The following FRY variants were observed in gnomAD, a reference collection of about 807,000 sequenced individuals.
FRY encodes the protein FRY microtubule binding protein.
In FRY, 128 loss-of-function variants were observed where a neutral mutation model predicts 348.4. That is an observed-to-expected ratio of 0.37 (90% CI 0.32 to 0.43). FRY has a LOEUF of 0.43. FRY is among the 20% of genes least tolerant of loss of function. The probability of loss-of-function intolerance (pLI) is 1.00; values close to 1 mark genes in which losing one functional copy is unlikely to be tolerated. For missense variants in FRY, 2,736 were observed against 3,695.2 expected (o/e 0.74, Z 6.73); for synonymous variants, 1,370 against 1,374.7 (o/e 1.00, Z 0.08).
intron 2 of FRY, among the ~76,000 whole-genome samples, chr13:32,097,144 C>T (rs1349683820): frequency 3.9e-5 from 6 of 152,022 alleles, no homozygotes; most frequent in Admixed American, 6.6e-5. Flanking sequence ...TTTCTTTCCC[C>T]GCTGTGGCAG....
Position 32,194,250 on chromosome 13 carries a change from A to C in FRY, c.3699A>C (p.Gln1233His). 1 of 1,614,204 alleles carries C rather than the reference A, an allele frequency of 6.2e-7. No homozygotes were observed. The highest frequency in any genetic ancestry group is 8.5e-7 in the Non-Finnish European group (1 of 1,180,008). ...ACCGATGCTACACAGGTTCCTACCA[A>C]CTTGCATCTGGCTGCTTCAAAGCCA... ...AIDRCYTGSY[Q>H]LASGCFKAIA... The change falls in exon 29 of 61, where the codon CAA becomes CAC. Residue 1233 changes from glutamine (Q) to histidine (H), a missense_variant. Gln to His is a conservative substitution (Grantham distance 24). Transcript: ENST00000542859.
chr13:32,286,902 G>A (rs1394647597), intron 58 of FRY, among the ~76,000 whole-genome samples: 1 of 151,230 alleles, frequency 6.6e-6, no homozygotes, highest in Middle Eastern at 3.2e-3. Context: ...GCTCATTCCT[G>A]TAATCCCAGA....
rs1593634603 is a variant in FRY at position 32,120,011 on chromosome 13, T to A, written c.464+2538T>A. Among the ~76,000 whole-genome samples the A allele has an allele frequency of 5.9e-5, 9 of 152,354 alleles. No individual in the cohort carries two copies. In the South Asian group the frequency reaches 1.9e-3, roughly 32 times the overall value. Reference sequence around the variant, plus strand: ...ATATCTTAAATATCACATTATTTTCTTCTTATTCCCTTTTGACTAAAGAGA... The same window carrying A: ...ATATCTTAAATATCACATTATTTTCATCTTATTCCCTTTTGACTAAAGAGA... On this transcript the variant is annotated intron_variant, in intron 4 of 60. Coordinates refer to ENST00000542859, the MANE Select transcript of FRY (RefSeq NM_023037.3).
rs554877405 is a variant in FRY, at chr13:32,045,983, G to A, written c.70+14118G>A. On this transcript the variant is annotated intron_variant, in intron 1 of 60. Coordinates refer to ENST00000542859, the MANE Select transcript of FRY (RefSeq NM_023037.3). ...CAGAGGATACAACTACTTATGAAGT[G>A]TACACACTCCAGTGATGGAAGACCC... 2.0e-4 allele frequency among the ~76,000 whole-genome samples: 30 copies of A among 152,260 alleles called. No homozygotes were observed. The South Asian group carries it at 6.0e-3, about 30-fold the overall frequency.
chr13:32,097,905 A>G (rs1876855272), intron 2 of FRY, among the ~76,000 whole-genome samples: 1 of 152,080 alleles, frequency 6.6e-6, no homozygotes, highest in Non-Finnish European at 1.5e-5. Flanking sequence ...AAAGTGCTAA[A>G]TCTTCTGCTA....
intron 29 of FRY, among the ~76,000 whole-genome samples, chr13:32,196,701 G>T (rs1566125050): frequency 1.3e-5 from 2 of 152,116 alleles, no homozygotes; most frequent in Admixed American, 6.6e-5. Flanking sequence ...ACTTGAATAG[G>T]ACCAAAGGAA....
At chr13:32,058,410 T>C (rs944795878) in intron 1 of FRY, among the ~76,000 whole-genome samples, 1 of 152,250 alleles carries the variant, frequency 6.6e-6, no homozygotes, top group African/African-American at 2.4e-5. Flanking sequence ...TTAGAGATTT[T>C]ATAATATATG....
chr13:32,195,759 AT>A lies in FRY; in HGVS notation c.3746+1469del, dbSNP rs142030039. Among the ~76,000 whole-genome samples the A allele has an allele frequency of 6.2e-3, 944 of 152,280 alleles. 11 individuals carry two copies. Among genetic ancestry groups the A allele is most frequent in the African/African-American group, 0.021 (855 of 41,536 alleles). ...TCATAAAACCTGCTATGTTCCAAGT[AT>A]TTTTTTAAGGCATCATTGTACACTA... On this transcript the variant is annotated intron_variant, in intron 29 of 60. Transcript: ENST00000542859.
intron 16 of FRY, among the ~76,000 whole-genome samples, chr13:32,159,120 C>A (rs1272071113): frequency 6.6e-6 from 1 of 151,838 alleles, no homozygotes; most frequent in African/African-American, 2.4e-5. Context: ...CAAACTTTTT[C>A]TAAGGTTCTT....
chr13:32,292,202 C>T (rs188001888), intron 59 of FRY, among the ~76,000 whole-genome samples: 8 of 152,092 alleles, frequency 5.3e-5, no homozygotes, highest in Middle Eastern at 3.4e-3. Flanking sequence ...AGGCTGGTCT[C>T]GAACTCCTGA....
chr13:32,148,899 C>T (rs924589544), intron 13 of FRY, among the ~76,000 whole-genome samples: 19 of 152,142 alleles, frequency 1.2e-4, no homozygotes, highest in East Asian at 7.7e-4. Flanking sequence ...AAGGACATTA[C>T]CTGCTCTGCA....
chr13:32,115,126 CTATGAAGTGGT>C (rs2138684653), intron 3 of FRY, among the ~76,000 whole-genome samples: 1 of 152,206 alleles, frequency 6.6e-6, no homozygotes, highest in African/African-American at 2.4e-5. Flanking sequence ...ATGAAGTAGG[CTATGAAGTGGT>C]AGAATGTGAG....
At chr13:32,291,205 T>G (rs1453990796) in intron 59 of FRY, among the ~76,000 whole-genome samples, 2 of 152,058 alleles carry the variant, frequency 1.3e-5, no homozygotes, top group Non-Finnish European at 2.9e-5. Flanking sequence ...CTACAACCAT[T>G]TTACCATTTT....
chr13:32,182,980 A>C lies in FRY; in HGVS notation c.3000A>C (p.Glu1000Asp). 1 of 1,599,092 alleles carries C rather than the reference A, an allele frequency of 6.3e-7. No individual in the cohort carries two copies. Among genetic ancestry groups the C allele is most frequent in the Non-Finnish European group, 8.6e-7 (1 of 1,166,846 alleles). ...ATTTGACCTTTTTCCTCCACAGAGA[A>C]TTGGTAGAAGAACTTCATCCATTAA... ...FGRTNSLVFR[E>D]LVEELHPLMK... Residue 1000 changes from glutamate (E) to aspartate (D), a missense_variant, in exon 24 of 61, where the codon GAA (glutamate) becomes GAC (aspartate). Coordinates refer to ENST00000542859, the MANE Select transcript of FRY (RefSeq NM_023037.3).
chr13:32,201,024 G>A (rs1025594132), intron 29 of FRY, among the ~76,000 whole-genome samples: 2 of 152,086 alleles, frequency 1.3e-5, no homozygotes, highest in East Asian at 1.9e-4. Context: ...CCCTCCCCAG[G>A]GCAAATCCTG....
intron 48 of FRY, among the ~76,000 whole-genome samples, 166 bp downstream of exon 48, chr13:32,247,668 A>G (rs1215102797): frequency 1.3e-5 from 2 of 152,258 alleles, no homozygotes; most frequent in African/African-American, 4.8e-5. Flanking sequence ...ATTGAGTGTC[A>G]TATTCACTGG....
chr13:32,062,301 T>A (rs910769918), intron 1 of FRY, among the ~76,000 whole-genome samples: 12 of 152,176 alleles, frequency 7.9e-5, no homozygotes, highest in African/African-American at 2.9e-4. Flanking sequence ...TAAATATTTC[T>A]ATTGTATGGC....
At chr13:32,235,351 C>T (rs1306842507) in intron 42 of FRY, among the ~76,000 whole-genome samples, 10 of 152,354 alleles carry the variant, frequency 6.6e-5, no homozygotes, top group Non-Finnish European at 2.9e-5. Flanking sequence ...CCTGGCTGGG[C>T]AGTGGCTCAA....
At chr13:32,286,971 A>C (rs771938165) in intron 58 of FRY, among the ~76,000 whole-genome samples, 31 of 151,676 alleles carry the variant, frequency 2.0e-4, no homozygotes, top group Non-Finnish European at 4.0e-4. Context: ...CAGCCTGACC[A>C]ACATGGTGAA....
Sources: gnomAD v4.1 joint callset for allele counts (sites outside exome capture counted in the v4.1 genomes callset) on GRCh38, gnomAD v4.1.1 for gene constraint, MANE v1.5 for transcripts, NCBI Gene and HGNC (gene_info 2026-07-23, HGNC 2026-07-21) for gene names.